Variants in HIVEP2 observed in about 807,000 individuals in gnomAD.
HIVEP2 encodes HIVEP zinc finger 2.
A neutral mutation model predicts 180.7 loss-of-function variants in HIVEP2; 14 were observed. The observed-to-expected ratio is 0.08, with a 90% CI of 0.05 to 0.12. The LOEUF is 0.12. Among genes scored for constraint, HIVEP2 ranks in the 10% least tolerant of loss-of-function variants. HIVEP2 has a pLI of 1.00. For synonymous variants in HIVEP2, 1,184 were observed against 1,136.4 expected (o/e 1.04, Z -0.84); for missense variants, 2,579 against 3,008.5 (o/e 0.86, Z 3.34).
intron 1 of HIVEP2, among the ~76,000 whole-genome samples, chr6:142,918,403 G>A (rs945738588): frequency 6.6e-6 from 1 of 152,204 alleles, no homozygotes; most frequent in African/African-American, 2.4e-5. Context: ...AGCACCCAGA[G>A]AGTTGCCACG....
intron 1 of HIVEP2, among the ~76,000 whole-genome samples, chr6:142,895,014 A>G (rs1408327309): frequency 6.6e-6 from 1 of 152,232 alleles, no homozygotes; most frequent in African/African-American, 2.4e-5. Flanking sequence ...AACCAATTTA[A>G]TTGTTTATAA....
chr6:142,815,344 G>A, intron 2 of HIVEP2, among the ~76,000 whole-genome samples: 1 of 152,156 alleles, frequency 6.6e-6, no homozygotes, highest in East Asian at 1.9e-4. Context: ...GCAAGTAGCA[G>A]AGAAACCAGG....
intron 2 of HIVEP2, among the ~76,000 whole-genome samples, chr6:142,816,944 T>G (rs1382412640): frequency 1.3e-5 from 2 of 151,542 alleles, no homozygotes; most frequent in African/African-American, 4.9e-5. Flanking sequence ...TCTCTCAAAG[T>G]GGGGAGGAGT....
intron 1 of HIVEP2, among the ~76,000 whole-genome samples, chr6:142,910,141 T>G (rs901319121): frequency 5.9e-5 from 9 of 152,254 alleles, no homozygotes; most frequent in African/African-American, 1.9e-4. Context: ...GAAGGCTGAA[T>G]AGGTATTTTC....
At chr6:142,833,709 T>G (rs1202574076) in intron 2 of HIVEP2, among the ~76,000 whole-genome samples, 1 of 152,138 alleles carries the variant, frequency 6.6e-6, no homozygotes. Flanking sequence ...AAAATAATTT[T>G]GGAAAAATGA....
chr6:142,905,879 C>T (rs1322773032), intron 1 of HIVEP2, among the ~76,000 whole-genome samples: 2 of 152,202 alleles, frequency 1.3e-5, no homozygotes, highest in African/African-American at 4.8e-5. Context: ...CGCCTATAAT[C>T]CTAGCCCTTT....
intron 2 of HIVEP2, among the ~76,000 whole-genome samples, chr6:142,801,302 A>C (rs573519295): frequency 1.6e-4 from 24 of 151,814 alleles, no homozygotes; most frequent in African/African-American, 4.8e-4. Context: ...AGACTATAAA[A>C]TACATTCTCA....
intron 7 of HIVEP2, 61 bp from the exon 8 acceptor site, chr6:142,761,626 T>C (rs1410028069): frequency 1.1e-6 from 1 of 890,978 alleles, no homozygotes; most frequent in East Asian, 2.4e-5. Context: ...TAACTGCTGA[T>C]AGCTGCTCCA....
At position 142,936,781 on chromosome 6, in the gene HIVEP2, T is replaced by A. The variant is rs183433456; in HGVS notation, c.-641+8318A>T. On this transcript the variant is annotated intron_variant, in intron 1 of 9. Coordinates refer to ENST00000367603, the MANE Select transcript of HIVEP2 (RefSeq NM_006734.4). ...CAGTGACTGAATTAGCCATAAAAAG[T>A]TTCTAAATTAGTCTACTAGAATGTA... is the stretch of plus-strand genomic sequence containing the variant. 3.3e-3 allele frequency among the ~76,000 whole-genome samples: 508 copies of A among 152,200 alleles called. 2 individuals carry two copies. The highest frequency in any genetic ancestry group is 0.012 in the African/African-American group (492 of 41,558).
At position 142,759,965 on chromosome 6, in the gene HIVEP2, C is replaced by T; in HGVS notation, c.6323G>A (p.Arg2108Lys). Residue 2108 changes from arginine (R) to lysine (K), a missense_variant, in exon 9 of 10, where the codon AGA (arginine) becomes AAA (lysine). Coordinates refer to ENST00000367603, the MANE Select transcript of HIVEP2 (RefSeq NM_006734.4). ...TGGCCTCCTTGGAGACAAATGCCTT[C>T]TTGGTGAAACATCTCTTTGGGACAT... is the stretch of plus-strand genomic sequence containing the variant. ...REMSQRDVSP[R>K]RHLSPRRPVS... is the part of the protein sequence containing the mutation. 1 of 1,613,924 alleles carries T rather than the reference C, an allele frequency of 6.2e-7. No homozygotes were observed. The highest frequency in any genetic ancestry group is 1.7e-5 in the Admixed American group (1 of 59,960).
At position 142,936,917 on chromosome 6, in the gene HIVEP2, T is replaced by C. The variant is rs184922555; in HGVS notation, c.-641+8182A>G. Among the ~76,000 whole-genome samples the C allele has an allele frequency of 2.6e-5, 4 of 152,244 alleles. No homozygotes were observed. The East Asian group carries it at 7.7e-4, about 29-fold the overall frequency. ...CCAGAGCAGGTGCTTAATAAATCTC[T>C]GTTGAATTAATAAATTTTTTTAGAA... On this transcript the variant is annotated intron_variant, in intron 1 of 9. Coordinates refer to ENST00000367603, the MANE Select transcript of HIVEP2 (RefSeq NM_006734.4).
chr6:142,792,317 A>C lies in HIVEP2; in HGVS notation c.-527-8702T>G, dbSNP rs112660182. 3.8e-3 allele frequency among the ~76,000 whole-genome samples: 585 copies of C among 152,330 alleles called. 6 individuals are homozygous for C. The highest frequency in any genetic ancestry group is 0.013 in the African/African-American group (558 of 41,574). The stretch of plus-strand genomic sequence containing the variant: ...TTTAAGGCAAGGAGACTTGGAGCAA[A>C]GGAGGAAAAGATACAAGTAATAAGA... On this transcript the variant is annotated intron_variant, in intron 2 of 9. Transcript: ENST00000367603.
intron 2 of HIVEP2, among the ~76,000 whole-genome samples, chr6:142,829,102 C>A (rs971658305): frequency 6.6e-6 from 1 of 152,146 alleles, no homozygotes; most frequent in Non-Finnish European, 1.5e-5. Flanking sequence ...CTGTGGTGAG[C>A]AGATTAATCT....
At chr6:142,935,166 A>G (rs781762823) in intron 1 of HIVEP2, among the ~76,000 whole-genome samples, 2 of 152,230 alleles carry the variant, frequency 1.3e-5, no homozygotes, top group Non-Finnish European at 2.9e-5. Context: ...CTATGGGTTT[A>G]AGAGATGTTT....
At chr6:142,838,263 A>G (rs548001774) in intron 1 of HIVEP2, among the ~76,000 whole-genome samples, 145 of 152,264 alleles carry the variant, frequency 9.5e-4, no homozygotes, top group Non-Finnish European at 1.5e-3. Context: ...ACCTGTGTCT[A>G]GATTCTAGTC....
At chr6:142,866,535 C>T (rs1044790839) in intron 1 of HIVEP2, among the ~76,000 whole-genome samples, 2 of 152,056 alleles carry the variant, frequency 1.3e-5, no homozygotes, top group South Asian at 2.1e-4. Flanking sequence ...ACCTCTTTCT[C>T]CCATGTATGT....
chr6:142,930,452 C>A (rs904985318), intron 1 of HIVEP2, among the ~76,000 whole-genome samples: 8 of 152,130 alleles, frequency 5.3e-5, no homozygotes, highest in African/African-American at 1.7e-4. Context: ...TATTAAGTGG[C>A]CTTCAGCACA....
At chr6:142,861,070 T>C (rs918943450) in intron 1 of HIVEP2, among the ~76,000 whole-genome samples, 2 of 152,158 alleles carry the variant, frequency 1.3e-5, no homozygotes, top group East Asian at 1.9e-4. Context: ...ATACATCAGA[T>C]AGCAGAAACA....
chr6:142,904,757 T>C, intron 1 of HIVEP2, among the ~76,000 whole-genome samples: 1 of 152,204 alleles, frequency 6.6e-6, no homozygotes, highest in Admixed American at 6.5e-5. Flanking sequence ...CACCATAACC[T>C]ATATTACTCA....
Sources: allele counts gnomAD v4.1 joint callset (sites outside exome capture counted in the v4.1 genomes callset), GRCh38; gene constraint gnomAD v4.1.1; transcripts MANE v1.5; gene names NCBI Gene and HGNC (gene_info 2026-07-23, HGNC 2026-07-21).